The following KIF13A variants were observed in gnomAD, a reference collection of about 807,000 sequenced individuals.
KIF13A encodes kinesin-like protein KIF13A.
A neutral mutation model predicts 212.2 loss-of-function variants in KIF13A; 79 were observed. The ratio of observed to expected loss-of-function variants is 0.37; its 90% CI spans 0.31 to 0.45. The LOEUF (loss-of-function observed/expected upper bound fraction) is 0.45, where lower values mean the gene tolerates loss of function less well. Among genes scored for constraint, KIF13A ranks in the 20% least tolerant of loss-of-function variants. The pLI is 1.00. For synonymous variants in KIF13A, 789 were observed against 808.6 expected (o/e 0.98, Z 0.41); for missense variants, 1,901 against 2,209.0 (o/e 0.86, Z 2.79).
intron 2 of KIF13A, among the ~76,000 whole-genome samples, chr6:17,942,098 C>G (rs1777003939): frequency 6.6e-6 from 1 of 151,896 alleles, no homozygotes; most frequent in Non-Finnish European, 1.5e-5. Flanking sequence ...GCCAAGAGTT[C>G]AAGACCAGCC....
chr6:17,873,140 G>A (rs1168182667), intron 4 of KIF13A: 5 of 424,158 alleles, frequency 1.2e-5, no homozygotes, highest in African/African-American at 1.0e-4. Context: ...ATACCACAAG[G>A]AGGTCAGGTG....
At chr6:17,868,985 C>T (rs1360683181) in intron 4 of KIF13A, among the ~76,000 whole-genome samples, 1 of 60,546 alleles carries the variant, frequency 1.7e-5, no homozygotes, top group Non-Finnish European at 3.0e-5. Context: ...GGGAGACTCC[C>T]TCTCAAAAAA....
chr6:17,802,319 T>G (rs887070223), intron 20 of KIF13A, among the ~76,000 whole-genome samples: 8 of 151,724 alleles, frequency 5.3e-5, no homozygotes, highest in African/African-American at 1.9e-4. Flanking sequence ...GAGACGGAGT[T>G]TCGCTCTTGT....
At chr6:17,893,909 G>A (rs575177432) in intron 3 of KIF13A, among the ~76,000 whole-genome samples, 3 of 143,544 alleles carry the variant, frequency 2.1e-5, no homozygotes, top group Non-Finnish European at 4.5e-5. Context: ...GCGCAATCTC[G>A]GCTCACTGCA....
Position 17,769,644 on chromosome 6 carries a change from C to T in KIF13A, c.4581+1470G>A, listed in dbSNP as rs934243729. On this transcript the variant is annotated intron_variant, in intron 38 of 38. Transcript: ENST00000259711. This position sits in a 1 kb window ranked among gnomAD's most constrained non-coding sequence, Gnocchi z 5.8. ...CAGCAGTGTCTTGATGGTGTTGTAC[C>T]AAAATGTATCGTTGCAATAGGTTTA... Among the ~76,000 whole-genome samples, 25 of 152,046 alleles carry T rather than the reference C, an allele frequency of 1.6e-4. 1 individual carries two copies. Among genetic ancestry groups the T allele is most frequent in the African/African-American group, 5.8e-4 (24 of 41,416 alleles).
intron 31 of KIF13A, 136 bp from the exon 32 acceptor site, chr6:17,779,820 G>C: frequency 2.2e-6 from 1 of 445,874 alleles, no homozygotes; most frequent in Middle Eastern, 7.2e-4. Context: ...GCTCACTGCA[G>C]GCTCCGCCCC....
chr6:17,904,223 T>C (rs1773299249), intron 2 of KIF13A, among the ~76,000 whole-genome samples: 1 of 151,670 alleles, frequency 6.6e-6, no homozygotes, highest in Non-Finnish European at 1.5e-5. Flanking sequence ...ATCCCAGCAC[T>C]TTGGAAGGCT....
At chr6:17,762,338 G>T (rs1045627682), downstream of KIF13A, among the ~76,000 whole-genome samples, 2 of 151,324 alleles carry the variant, frequency 1.3e-5, no homozygotes, top group African/African-American at 4.9e-5. Flanking sequence ...TCAGCCTCCC[G>T]AGTAGCTGGG....
intron 4 of KIF13A, 93 bp downstream of exon 4, chr6:17,873,284 G>T: frequency 1.2e-6 from 1 of 820,518 alleles, no homozygotes; most frequent in Non-Finnish European, 2.0e-6. Context: ...AATTACACAG[G>T]GAAAGTAAAA....
chr6:17,976,243 G>A (rs935052147), intron 2 of KIF13A, among the ~76,000 whole-genome samples: 3 of 152,174 alleles, frequency 2.0e-5, no homozygotes, highest in East Asian at 1.9e-4. Flanking sequence ...AGGGGCCGGC[G>A]CTCGTCAGGG....
rs147779012 is a variant in KIF13A at position 17,800,523 on chromosome 6, G to C, written c.2455-410C>G. Among the ~76,000 whole-genome samples, 932 of 151,130 alleles carry C rather than the reference G, an allele frequency of 6.2e-3. 14 individuals carry two copies. The highest frequency in any genetic ancestry group is 0.021 in the African/African-American group (857 of 41,118). On this transcript the variant is annotated intron_variant, in intron 20 of 38. Transcript: ENST00000259711. ...ATGATCTCAGCTTGCTATAACCTCT[G>C]CCTCCTGAGTTCAAGCGATTCTCCT...
chr6:17,978,483 T>C (rs905963748), intron 2 of KIF13A, among the ~76,000 whole-genome samples: 1 of 152,222 alleles, frequency 6.6e-6, no homozygotes, highest in Non-Finnish European at 1.5e-5. Flanking sequence ...CCTTTGTTGA[T>C]AGCTCTGACA....
At chr6:17,974,157 C>G (rs925012643) in intron 2 of KIF13A, among the ~76,000 whole-genome samples, 4 of 152,192 alleles carry the variant, frequency 2.6e-5, no homozygotes, top group African/African-American at 9.7e-5. Flanking sequence ...TCTCAGCTCA[C>G]TGCAACCTCC....
intron 4 of KIF13A, among the ~76,000 whole-genome samples, chr6:17,866,667 T>C (rs1450312420): frequency 1.3e-5 from 2 of 151,914 alleles, no homozygotes; most frequent in African/African-American, 4.8e-5. Context: ...TACTATCTAT[T>C]GCTATTGTTA....
Position 17,912,376 on chromosome 6 carries a change from T to C in KIF13A, c.147-14196A>G, listed in dbSNP as rs1008364243. 9.2e-5 allele frequency among the ~76,000 whole-genome samples: 14 copies of C among 152,208 alleles called. No homozygotes were observed. The highest frequency in any genetic ancestry group is 1.6e-4 in the Non-Finnish European group (11 of 68,044). On this transcript the variant is annotated intron_variant, in intron 2 of 38. Coordinates refer to ENST00000259711, the MANE Select transcript of KIF13A (RefSeq NM_022113.6). This position sits in a 1 kb window ranked among gnomAD's most constrained non-coding sequence, Gnocchi z 4.2. ...GGAAAGAAACCCAGGTTCAGTTCTA[T>C]CACCCAAACTGGGAGTGATCTTGAT... is the stretch of plus-strand genomic sequence containing the variant.
chr6:17,779,834 G>C (rs1421443104), intron 31 of KIF13A, 150 bp from the exon 32 acceptor site: 1 of 435,036 alleles, frequency 2.3e-6, no homozygotes, highest in Admixed American at 4.1e-5. Context: ...CCGCCCCCTG[G>C]GGTTCACACC....
At chr6:17,854,797 C>G (rs1016112080) in intron 6 of KIF13A, among the ~76,000 whole-genome samples, 1 of 152,032 alleles carries the variant, frequency 6.6e-6, no homozygotes, top group Non-Finnish European at 1.5e-5. Context: ...AGATGATCTG[C>G]TCACCTTGGC....
chr6:17,817,993 A>G (rs1291800641), intron 16 of KIF13A, among the ~76,000 whole-genome samples: 2 of 151,822 alleles, frequency 1.3e-5, no homozygotes, highest in East Asian at 1.9e-4. Context: ...CAGGATATCA[A>G]CTTGGTAATG....
At chr6:17,765,966 T>C (rs1758916543) in intron 38 of KIF13A, among the ~76,000 whole-genome samples, 1 of 152,236 alleles carries the variant, frequency 6.6e-6, no homozygotes, top group African/African-American at 2.4e-5. Context: ...CAAGAAGGCA[T>C]GGTCCCTCCC....
Sources: allele counts gnomAD v4.1 joint callset (sites outside exome capture counted in the v4.1 genomes callset), GRCh38; gene constraint gnomAD v4.1.1; non-coding constraint Gnocchi (gnomAD v3.1); transcripts MANE v1.5; gene names NCBI Gene and HGNC (gene_info 2026-07-23, HGNC 2026-07-21).